The following AK9 variants were observed in gnomAD, a reference collection of about 807,000 sequenced individuals.
AK9 encodes the protein adenylate kinase domain containing 1.
Under a neutral mutation model 239.6 loss-of-function variants are expected in AK9, and 191 were observed. That is an observed-to-expected ratio of 0.80 (90% CI 0.71 to 0.90). AK9 has a LOEUF of 0.90. Among genes scored for constraint, AK9 ranks in the 40% least tolerant of loss-of-function variants. AK9 has a pLI of 0.00. For synonymous variants in AK9, 689 were observed against 721.0 expected (o/e 0.96, Z 0.71); for missense variants, 1,995 against 2,214.7 (o/e 0.90, Z 1.99).
chr6:109,648,426 A>G (rs576318936), intron 8 of AK9, among the ~76,000 whole-genome samples: 2 of 152,246 alleles, frequency 1.3e-5, no homozygotes, highest in Non-Finnish European at 2.9e-5. Context: ...CCAATCCCAC[A>G]GAAATAGAAA....
chr6:109,495,272 T>G, intron 39 of AK9, 66 bp downstream of exon 39: 1 of 1,239,122 alleles, frequency 8.1e-7, no homozygotes, highest in Non-Finnish European at 1.1e-6. Flanking sequence ...AAATGAAAAT[T>G]AGTGTTAAAA....
intron 24 of AK9, among the ~76,000 whole-genome samples, chr6:109,555,997 G>C (rs552900817): frequency 6.6e-6 from 1 of 152,220 alleles, no homozygotes; most frequent in East Asian, 1.9e-4. Context: ...GGGGCATTTA[G>C]CCCATTTACA....
intron 21 of AK9, among the ~76,000 whole-genome samples, chr6:109,569,832 G>A (rs571595634): frequency 5.4e-4 from 82 of 152,268 alleles, no homozygotes; most frequent in African/African-American, 1.9e-3. Flanking sequence ...ACTGTTGGTG[G>A]GACTGTAAAC....
chr6:109,579,655 T>C, intron 19 of AK9, 29 bp from the exon 20 acceptor site: 2 of 1,534,542 alleles, frequency 1.3e-6, no homozygotes, highest in Non-Finnish European at 1.8e-6. Flanking sequence ...AATTTAATTA[T>C]CTTTGGAAAT....
At chr6:109,539,143 T>C (rs1782479682) in intron 27 of AK9, among the ~76,000 whole-genome samples, 1 of 152,316 alleles carries the variant, frequency 6.6e-6, no homozygotes, top group Admixed American at 6.5e-5. Flanking sequence ...TGAATTTGAA[T>C]GTTGGCCTGC....
In AK9 at chr6:109,546,141, T is replaced by TG; in HGVS notation, c.2965-15dup. 1 of 579,584 alleles carries TG rather than the reference T, an allele frequency of 1.7e-6. No individual in the cohort carries two copies. The highest frequency in any genetic ancestry group is 2.9e-6 in the Non-Finnish European group (1 of 344,320). The allele number at this position is 579,584 out of a possible 1,614,324, so 35.9% of individuals were successfully genotyped here. The stretch of plus-strand genomic sequence containing the variant: ...TAATGGAGGAGCCTGTCACAGGGGG[T>TG]GGGTCAGGGAGGGGTGGGATAAAGG... On this transcript the variant is annotated splice_polypyrimidine_tract_variant and intron_variant, in intron 25 of 40. Coordinates refer to ENST00000424296, the MANE Select transcript of AK9 (RefSeq NM_001145128.3).
intron 17 of AK9, 135 bp downstream of exon 17, chr6:109,610,230 T>A: frequency 8.9e-7 from 1 of 1,126,156 alleles, no homozygotes; most frequent in Non-Finnish European, 1.2e-6. Context: ...CAATGCTGAC[T>A]ACAAAATGTA....
intron 8 of AK9, among the ~76,000 whole-genome samples, chr6:109,650,838 C>T (rs573922052): frequency 2.0e-5 from 3 of 152,244 alleles, no homozygotes; most frequent in East Asian, 1.9e-4. Context: ...ACCCAAATGT[C>T]GAACAACGAC....
chr6:109,662,690 C>G (rs1800594068), intron 5 of AK9, 27 bp from the exon 6 acceptor site: 3 of 1,311,972 alleles, frequency 2.3e-6, no homozygotes, highest in Non-Finnish European at 3.0e-6. Flanking sequence ...AATTTTAAAA[C>G]TTTTATAAAA....
intron 22 of AK9, among the ~76,000 whole-genome samples, chr6:109,564,503 T>A (rs1786212446): frequency 6.6e-6 from 1 of 152,228 alleles, no homozygotes; most frequent in South Asian, 2.1e-4. Flanking sequence ...TTTTGGATAA[T>A]TAACATGAGT....
Position 109,659,258 on chromosome 6 carries a change from T to C in AK9, c.600A>G (p.Glu200=), listed in dbSNP as rs901617468. Reference sequence around the variant, plus strand: ...CTTCTTCTTGCTCTTCTTCCTCTTCTTCCTCTTCTCCTTTTCCGTCCTTTT... The same window carrying C: ...CTTCTTCTTGCTCTTCTTCCTCTTCCTCCTCTTCTCCTTTTCCGTCCTTTT... ...EAQKDGKGEE[E]EEEEEQEEEE... The change falls in exon 7 of 41, where the codon GAA becomes GAG. Residue 200 remains glutamate (E), a synonymous_variant. Coordinates refer to ENST00000424296, the MANE Select transcript of AK9 (RefSeq NM_001145128.3). 1.3e-6 allele frequency: 2 copies of C among 1,595,994 alleles called. No individual in the cohort carries two copies. Among genetic ancestry groups the C allele is most frequent in the Non-Finnish European group, 1.7e-6 (2 of 1,174,582 alleles).
chr6:109,588,393 C>CT (rs1789799644), intron 17 of AK9, among the ~76,000 whole-genome samples: 1 of 152,150 alleles, frequency 6.6e-6, no homozygotes, highest in South Asian at 2.1e-4. Context: ...TGTATGTCTT[C>CT]TTTTCAGAAA....
intron 33 of AK9, among the ~76,000 whole-genome samples, chr6:109,508,546 A>G (rs1778349327): frequency 6.6e-6 from 1 of 152,092 alleles, no homozygotes; most frequent in Non-Finnish European, 1.5e-5. Context: ...ACAGACAAGG[A>G]AAGTCAAAGA....
Position 109,495,451 on chromosome 6 carries a change from A to C in AK9, c.5316-11T>G. 6.3e-7 allele frequency: 1 copy of C among 1,593,282 alleles called. No individual in the cohort carries two copies. The highest frequency in any genetic ancestry group is 8.6e-7 in the Non-Finnish European group (1 of 1,162,968). On this transcript the variant is annotated splice_polypyrimidine_tract_variant and intron_variant, in intron 38 of 40. Transcript: ENST00000424296. ...TATTTCAGTGGCGACCTAAGAACAC[A>C]AAGTTCATTAGATGGATGCTCACAG... is the stretch of plus-strand genomic sequence containing the variant.
intron 32 of AK9, among the ~76,000 whole-genome samples, chr6:109,511,989 A>C (rs1013866804): frequency 6.6e-6 from 1 of 152,182 alleles, no homozygotes; most frequent in Non-Finnish European, 1.5e-5. Context: ...ATTATGTCAG[A>C]GGCGTGCAAA....
chr6:109,626,043 C>T (rs9487173), intron 12 of AK9, among the ~76,000 whole-genome samples: 4,493 of 152,106 alleles, frequency 0.03, 227 homozygotes, highest in African/African-American at 0.1. Context: ...TTTTCTCCCT[C>T]TGTTTTTCAG....
chr6:109,678,778 G>T lies in AK9; in HGVS notation c.-11-3022C>A, dbSNP rs925697460. On this transcript the variant is annotated intron_variant, in intron 1 of 40. Transcript: ENST00000424296. Reference sequence around the variant, plus strand: ...TACCCAGCTCATCTCACTGGGACTGGTTAGACAGTGGATGCAGCTCATGGA... The same window carrying T: ...TACCCAGCTCATCTCACTGGGACTGTTTAGACAGTGGATGCAGCTCATGGA... 3.9e-5 allele frequency among the ~76,000 whole-genome samples: 6 copies of T among 152,098 alleles called. 1 individual carries two copies. The highest frequency in any genetic ancestry group is 2.0e-4 in the Admixed American group (3 of 15,278).
chr6:109,571,430 G>A (rs1328317579), intron 21 of AK9, among the ~76,000 whole-genome samples: 4 of 152,080 alleles, frequency 2.6e-5, no homozygotes, highest in South Asian at 2.1e-4. Context: ...AAAAATGTCC[G>A]AGAGGAAACC....
At chr6:109,568,332 G>C (rs1312831017) in intron 21 of AK9, among the ~76,000 whole-genome samples, 2 of 152,046 alleles carry the variant, frequency 1.3e-5, no homozygotes, top group African/African-American at 4.8e-5. Flanking sequence ...ATACTGAATG[G>C]GCAAAAACTG....
Sources: allele counts gnomAD v4.1 joint callset (sites outside exome capture counted in the v4.1 genomes callset), GRCh38; gene constraint gnomAD v4.1.1; transcripts MANE v1.5; gene names NCBI Gene and HGNC (gene_info 2026-07-23, HGNC 2026-07-21).